SYTL5: variants seen among roughly 807,000 people sequenced by gnomAD.
SYTL5 encodes synaptotagmin-like protein 5.
In SYTL5, 34 loss-of-function variants were observed where a neutral mutation model predicts 55.9. That is an observed-to-expected ratio of 0.61 (90% CI 0.46 to 0.81). SYTL5 has a LOEUF of 0.81. SYTL5 is among the 30% of genes least tolerant of loss of function. SYTL5 has a pLI of 0.00. For synonymous variants in SYTL5, 221 were observed against 188.7 expected (o/e 1.17, Z -1.40); for missense variants, 637 against 546.7 (o/e 1.17, Z -1.65).
the SYTL5 span, among the ~76,000 whole-genome samples, chrX:37,922,764 C>T: frequency 9.0e-6 from 1 of 111,515 alleles, no homozygotes; most frequent in African/African-American, 3.3e-5. Context: ...ACTTTCCTCT[C>T]CCAGTAAGAT....
At chrX:37,980,383 G>A in the SYTL5 span, among the ~76,000 whole-genome samples, 1 of 111,779 alleles carries the variant, frequency 8.9e-6, no homozygotes, top group Non-Finnish European at 1.9e-5. Flanking sequence ...ATAATGCTGC[G>A]TAATAAACTG....
chrX:37,910,153 G>A, the SYTL5 span, among the ~76,000 whole-genome samples: 1 of 111,683 alleles, frequency 9.0e-6, no homozygotes, highest in African/African-American at 3.3e-5. Flanking sequence ...CACAGACTGG[G>A]TGATTTAAGC....
At chrX:38,080,996 G>A (rs1226827261) in intron 6 of SYTL5, among the ~76,000 whole-genome samples, 1 of 111,472 alleles carries the variant, frequency 9.0e-6, no homozygotes, top group Non-Finnish European at 1.9e-5. Context: ...TTCCTTACCA[G>A]GCTTAAAAAA....
chrX:37,891,942 T>A, the SYTL5 span, among the ~76,000 whole-genome samples: 1 of 111,603 alleles, frequency 9.0e-6, no homozygotes, highest in Admixed American at 9.6e-5. Flanking sequence ...AAATTGTTCA[T>A]CTCCTTGGAA....
At chrX:37,926,002 G>A in the SYTL5 span, among the ~76,000 whole-genome samples, 7 of 111,342 alleles carry the variant, frequency 6.3e-5, no homozygotes, top group South Asian at 7.5e-4. Flanking sequence ...TTATCCACTC[G>A]TTGATTGATG....
At chrX:38,019,965 G>A (rs992796) in intron 1 of SYTL5, among the ~76,000 whole-genome samples, 32,249 of 111,059 alleles carry the variant, frequency 0.29, 6,546 homozygotes, top group African/African-American at 0.72. Flanking sequence ...GATTCTATAC[G>A]TGTTTACTGC....
At chrX:38,095,585 A>T (rs190347395) in intron 8 of SYTL5, among the ~76,000 whole-genome samples, 6 of 111,822 alleles carry the variant, frequency 5.4e-5, no homozygotes, top group African/African-American at 1.9e-4. Flanking sequence ...CTTCTGATGA[A>T]AGACTCTTCT....
At chrX:38,047,120 G>T (rs966233149) in intron 2 of SYTL5, among the ~76,000 whole-genome samples, 1 of 111,992 alleles carries the variant, frequency 8.9e-6, no homozygotes, top group Non-Finnish European at 1.9e-5. Flanking sequence ...GCTGTCAGTA[G>T]ATCTACTGTT....
intron 10 of SYTL5, among the ~76,000 whole-genome samples, chrX:38,106,111 A>G (rs1048781823): frequency 9.0e-6 from 1 of 111,547 alleles, no homozygotes; most frequent in Non-Finnish European, 1.9e-5. Context: ...GACTGATGGG[A>G]TGCTCCATGT....
chrX:38,095,852 A>G (rs1353754283), intron 8 of SYTL5, among the ~76,000 whole-genome samples: 1 of 111,421 alleles, frequency 9.0e-6, no homozygotes, highest in Non-Finnish European at 1.9e-5. Context: ...ACAGCTTAAA[A>G]CATAGCATTT....
chrX:38,057,470 G>A (rs1180929878), intron 3 of SYTL5, among the ~76,000 whole-genome samples: 2 of 111,458 alleles, frequency 1.8e-5, no homozygotes, highest in African/African-American at 3.3e-5. Flanking sequence ...TTTTGCTCAG[G>A]ACAGCTTTGG....
chrX:38,090,350 C>T (rs1039705451), intron 7 of SYTL5, among the ~76,000 whole-genome samples: 3 of 111,606 alleles, frequency 2.7e-5, no homozygotes, highest in African/African-American at 9.8e-5. Context: ...GGGGTCAACA[C>T]ATAATGAAGG....
At chrX:38,123,320 G>A (rs1937592587) in intron 15 of SYTL5, among the ~76,000 whole-genome samples, 1 of 110,898 alleles carries the variant, frequency 9.0e-6, no homozygotes, top group Admixed American at 9.6e-5. Context: ...GTAGAGACAG[G>A]GTTTCACCAC....
the SYTL5 span, among the ~76,000 whole-genome samples, chrX:37,916,286 T>G: frequency 8.9e-6 from 1 of 112,286 alleles, no homozygotes; most frequent in African/African-American, 3.2e-5. Flanking sequence ...TGAGCTGTAA[T>G]GAGCGGAGCC....
At chrX:38,057,925 A>G (rs1429904418) in intron 3 of SYTL5, among the ~76,000 whole-genome samples, 1 of 111,411 alleles carries the variant, frequency 9.0e-6, no homozygotes, top group Non-Finnish European at 1.9e-5. Context: ...GTATCATTTT[A>G]TGAACAGAAA....
chrX:38,087,356 T>C (rs768150507), intron 6 of SYTL5, among the ~76,000 whole-genome samples: 1 of 112,205 alleles, frequency 8.9e-6, no homozygotes, highest in East Asian at 2.8e-4. Context: ...GGTACAAATA[T>C]GGCTAACTGT....
intron 10 of SYTL5, among the ~76,000 whole-genome samples, chrX:38,105,753 G>A (rs759543121): frequency 2.9e-4 from 33 of 112,138 alleles, no homozygotes; most frequent in Non-Finnish European, 5.1e-4. Flanking sequence ...TTTTTGAACC[G>A]CAGTTGACCA....
At chrX:38,084,736 T>C (rs1427111309) in intron 6 of SYTL5, among the ~76,000 whole-genome samples, 1 of 111,115 alleles carries the variant, frequency 9.0e-6, no homozygotes, top group Non-Finnish European at 1.9e-5. Flanking sequence ...TCTGTAAAGG[T>C]ACAGATAATA....
At chrX:37,903,453 A>G in the SYTL5 span, among the ~76,000 whole-genome samples, 1 of 107,066 alleles carries the variant, frequency 9.3e-6, no homozygotes, top group Admixed American at 1.0e-4. Flanking sequence ...TGCAAGGGCA[A>G]AAAACCAAAC....
Sources: allele counts gnomAD v4.1 joint callset (sites outside exome capture counted in the v4.1 genomes callset), GRCh38; gene constraint gnomAD v4.1.1; transcripts MANE v1.5; gene names NCBI Gene and HGNC (gene_info 2026-07-23, HGNC 2026-07-21).